The following KCNQ1 variants were observed in gnomAD, a reference collection of about 807,000 sequenced individuals.
KCNQ1 encodes the protein potassium voltage-gated channel subfamily Q member 1, also known as potassium voltage-gated channel subfamily KQT member 1.
In KCNQ1, 49 loss-of-function variants were observed where a neutral mutation model predicts 72.4. The ratio of observed to expected loss-of-function variants is 0.68; its 90% confidence interval spans 0.54 to 0.86. The LOEUF is 0.86. KCNQ1 is among the 40% of genes least tolerant of loss of function. The pLI, the probability that KCNQ1 is intolerant of heterozygous loss-of-function variation, is 0.00. For synonymous variants in KCNQ1, 450 were observed against 412.6 expected (o/e 1.09, Z -1.10); for missense variants, 790 against 945.1 (o/e 0.84, Z 2.15).
At position 2,446,024 on chromosome 11, in the gene KCNQ1, G is replaced by A. The variant is rs1333177986; in HGVS notation, c.386+540G>A. Among the ~76,000 whole-genome samples the A allele has an allele frequency of 6.7e-6, 1 of 149,596 alleles. No individual in the cohort carries two copies. The highest frequency in any genetic ancestry group is 1.5e-5 in the Non-Finnish European group (1 of 67,998). On this transcript the variant is annotated intron_variant, in intron 1 of 15. Coordinates refer to ENST00000155840, the MANE Select transcript of KCNQ1 (RefSeq NM_000218.3). The surrounding 1 kb of genome is among the most constrained non-coding windows in gnomAD (Gnocchi z 8.8). ...CAGCATGCCACGGGCCGTCCCCACGGGCCCCACATTAACTAATTGAACCAA... is the reference window on the plus strand; with the variant it reads ...CAGCATGCCACGGGCCGTCCCCACGAGCCCCACATTAACTAATTGAACCAA...
chr11:2,708,270 C>T (rs972960832), intron 11 of KCNQ1, among the ~76,000 whole-genome samples: 10 of 152,354 alleles, frequency 6.6e-5, no homozygotes, highest in African/African-American at 2.4e-4. Context: ...CTCTTCTCAA[C>T]AGGATCCCTT....
At chr11:2,469,128 C>T (rs1331418461) in intron 1 of KCNQ1, among the ~76,000 whole-genome samples, 1 of 152,180 alleles carries the variant, frequency 6.6e-6, no homozygotes, top group African/African-American at 2.4e-5. Flanking sequence ...CGGGGCCCTC[C>T]CTGGCATTCC....
rs1846867022 is a variant in KCNQ1 at position 2,493,518 on chromosome 11, AT to A, written c.387-34405del. Among the ~76,000 whole-genome samples, 1 of 152,176 alleles carries A rather than the reference AT, an allele frequency of 6.6e-6. No individual in the cohort carries two copies. The highest frequency in any genetic ancestry group is 6.5e-5 in the Admixed American group (1 of 15,278). ...TTAAGTCTTTAATCATCTTGAGTTAATTTTTATATAAGTTGTAAGGAAGGGG... is the reference window on the plus strand; with the variant it reads ...TTAAGTCTTTAATCATCTTGAGTTAATTTTATATAAGTTGTAAGGAAGGGG... On this transcript the variant is annotated intron_variant, in intron 1 of 15. Coordinates refer to ENST00000155840, the MANE Select transcript of KCNQ1 (RefSeq NM_000218.3). The surrounding 1 kb of genome is among the most constrained non-coding windows in gnomAD (Gnocchi z 5.3).
chr11:2,847,735 ACT>A (rs1564916329), intron 15 of KCNQ1, 30 bp from the exon 16 acceptor site: 1 of 1,560,430 alleles, frequency 6.4e-7, no homozygotes. Flanking sequence ...GCTTCCCACC[ACT>A]GACTCTCTCG....
chr11:2,610,652 G>T, intron 10 of KCNQ1: 1 of 395,912 alleles, frequency 2.5e-6, no homozygotes, highest in Non-Finnish European at 4.4e-6. Context: ...TTGTTTATCT[G>T]GGAATGCTTT....
intron 10 of KCNQ1, chr11:2,648,077 G>C: frequency 2.5e-6 from 1 of 397,286 alleles, no homozygotes; most frequent in East Asian, 3.6e-5. Context: ...AATTAGCGAG[G>C]TGTGGTGCTG....
At position 2,570,707 on chromosome 11, in the gene KCNQ1, G is replaced by T. The variant is rs794728568; in HGVS notation, c.557G>T (p.Gly186Val). ...WSAGCRSKYV[G>V]LWGRLRFARK... is the part of the protein sequence containing the mutation. ...GCCGGCTGCCGCAGCAAGTACGTGGGCCTCTGGGGGCGGCTGCGCTTTGCC... is the reference window on the plus strand; with the variant it reads ...GCCGGCTGCCGCAGCAAGTACGTGGTCCTCTGGGGGCGGCTGCGCTTTGCC... The change falls in exon 3 of 16, where the codon GGC becomes GTC. Residue 186 changes from glycine (G) to valine (V), a missense_variant. Gly to Val is a moderately radical substitution (Grantham distance 109, BLOSUM62 -3). This residue lies in a region of KCNQ1 where 294 missense variants were observed against 323.3 expected (regional missense o/e 0.91). Transcript: ENST00000155840. 6.2e-7 allele frequency: 1 copy of T among 1,612,490 alleles called. No homozygotes were observed. The highest frequency in any genetic ancestry group is 8.5e-7 in the Non-Finnish European group (1 of 1,180,020).
In KCNQ1 at chr11:2,824,324, G is replaced by A. The variant is rs1325176641; in HGVS notation, c.1795-23443G>A. Among the ~76,000 whole-genome samples the A allele has an allele frequency of 6.6e-6, 1 of 152,128 alleles. No individual in the cohort carries two copies. Among genetic ancestry groups the A allele is most frequent in the Admixed American group, 6.5e-5 (1 of 15,276 alleles). ...TGGAAAGAAGACAGATACGAGAGGG[G>A]ATTTGGAGACACAATCCCCAGACTT... On this transcript the variant is annotated intron_variant, in intron 15 of 15. Transcript: ENST00000155840. The surrounding 1 kb of genome is among the most constrained non-coding windows in gnomAD (Gnocchi z 5.9).
Position 2,570,675 on chromosome 11 carries a change from C to T in KCNQ1, c.525C>T (p.Leu175=), listed in dbSNP as rs751902200. The change falls in exon 3 of 16, where the codon CTC becomes CTT. Residue 175 remains leucine, a synonymous_variant. Coordinates refer to ENST00000155840, the MANE Select transcript of KCNQ1 (RefSeq NM_000218.3). The part of the protein sequence containing the change: ...VFFGTEYVVR[L]WSAGCRSKYV... The stretch of plus-strand genomic sequence containing the variant: ...TCGGGACGGAGTACGTGGTCCGCCT[C>T]TGGTCCGCCGGCTGCCGCAGCAAGT... The T allele has an allele frequency of 6.2e-6, 10 of 1,612,626 alleles. No individual in the cohort carries two copies. Among genetic ancestry groups the T allele is most frequent in the Admixed American group, 3.3e-5 (2 of 60,020 alleles).
chr11:2,616,958 G>C (rs1234328941), intron 10 of KCNQ1: 2 of 353,432 alleles, frequency 5.7e-6, no homozygotes, highest in East Asian at 8.0e-5. Flanking sequence ...ACATTATCTT[G>C]TTGTGTTTTT....
chr11:2,662,222 C>A lies in KCNQ1; in HGVS notation c.1514+141C>A, dbSNP rs231363. 4,130 of 1,156,254 alleles carry A rather than the reference C, an allele frequency of 3.6e-3. 15 individuals are homozygous for A. The highest frequency in any genetic ancestry group is 4.6e-3 in the Non-Finnish European group (3,730 of 805,382). 71.6% of individuals were successfully genotyped at this position (1,156,254 alleles called of 1,614,324 possible). Reference sequence around the variant, plus strand: ...GCCCACCACTTGCCGTCTGCCTGGCCCCAACACGGAGGCACCAGGCAAGAG... The same window carrying A: ...GCCCACCACTTGCCGTCTGCCTGGCACCAACACGGAGGCACCAGGCAAGAG... On this transcript the variant is annotated intron_variant, in intron 11 of 15. Transcript: ENST00000155840.
chr11:2,665,922 G>T (rs1850059000), intron 11 of KCNQ1: 1 of 398,496 alleles, frequency 2.5e-6, no homozygotes, highest in African/African-American at 2.1e-5. Flanking sequence ...AGCAACCCTG[G>T]GAGGCTGAAA....
At position 2,478,671 on chromosome 11, in the gene KCNQ1, G is replaced by A. The variant is rs1444397618; in HGVS notation, c.386+33187G>A. 2.6e-5 allele frequency among the ~76,000 whole-genome samples: 4 copies of A among 152,128 alleles called. No homozygotes were observed. The highest frequency in any genetic ancestry group is 9.7e-5 in the African/African-American group (4 of 41,414). Reference sequence around the variant, plus strand: ...GGAGCTACAATTCACGATGAGATTTGGGTGGGGACACAGCCAAACCATATC... The same window carrying A: ...GGAGCTACAATTCACGATGAGATTTAGGTGGGGACACAGCCAAACCATATC... On this transcript the variant is annotated intron_variant, in intron 1 of 15. Transcript: ENST00000155840. This position sits in a 1 kb window ranked among gnomAD's most constrained non-coding sequence, Gnocchi z 4.0.
rs1847271366 is a variant in KCNQ1 at position 2,515,390 on chromosome 11, T to C, written c.387-12538T>C. 8.1e-6 allele frequency among the ~76,000 whole-genome samples: 1 copy of C among 123,692 alleles called. No individual in the cohort carries two copies. Among genetic ancestry groups the C allele is most frequent in the East Asian group, 2.1e-4 (1 of 4,710 alleles). 81.1% of individuals were successfully genotyped at this position (123,692 alleles called of 152,430 possible). On this transcript the variant is annotated intron_variant, in intron 1 of 15. Coordinates refer to ENST00000155840, the MANE Select transcript of KCNQ1 (RefSeq NM_000218.3). This position sits in a 1 kb window ranked among gnomAD's most constrained non-coding sequence, Gnocchi z 4.7. The stretch of plus-strand genomic sequence containing the variant: ...CTTGGAGGCTTTAACGCCTGCCCTG[T>C]GTGAGGGAGGGCGGAGCCCCTGGCC...
intron 13 of KCNQ1, among the ~76,000 whole-genome samples, chr11:2,776,655 G>A (rs1005511931): frequency 6.6e-6 from 1 of 152,180 alleles, no homozygotes; most frequent in Non-Finnish European, 1.5e-5. Flanking sequence ...GGGCATGGCT[G>A]GGAGCCCGTG....
At chr11:2,793,062 G>C (rs906321204) in intron 15 of KCNQ1, among the ~76,000 whole-genome samples, 1 of 152,220 alleles carries the variant, frequency 6.6e-6, no homozygotes, top group Admixed American at 6.5e-5. Context: ...TGAACACCCC[G>C]TCAGGGCAGG....
intron 10 of KCNQ1, chr11:2,614,223 G>C (rs1589982167): frequency 7.5e-6 from 3 of 398,510 alleles, no homozygotes; most frequent in South Asian, 1.3e-4. Flanking sequence ...ATTTGCAAGA[G>C]CCTCCACTAT....
intron 11 of KCNQ1, among the ~76,000 whole-genome samples, chr11:2,722,262 G>C (rs1300682680): frequency 6.6e-6 from 1 of 152,182 alleles, no homozygotes; most frequent in Non-Finnish European, 1.5e-5. Context: ...GGTGGAGAGA[G>C]GTAGGCTGGG....
intron 15 of KCNQ1, among the ~76,000 whole-genome samples, chr11:2,833,956 C>T (rs1187813624): frequency 1.3e-5 from 2 of 152,236 alleles, no homozygotes; most frequent in Admixed American, 6.5e-5. Context: ...CTCCTCACCC[C>T]CTTCCCAGGC....
Sources: allele counts gnomAD v4.1 joint callset (sites outside exome capture counted in the v4.1 genomes callset), GRCh38; gene constraint gnomAD v4.1.1; regional missense constraint gnomAD v4.1.1; non-coding constraint Gnocchi (gnomAD v3.1); transcripts MANE v1.5; gene names NCBI Gene and HGNC (gene_info 2026-07-23, HGNC 2026-07-21).